PREX1: variants seen among roughly 807,000 people sequenced by gnomAD.
PREX1 encodes the protein phosphatidylinositol-3,4,5-trisphosphate dependent Rac exchange factor 1, also known as phosphatidylinositol 3,4,5-trisphosphate-dependent Rac exchanger 1 protein.
Under a neutral mutation model 198.3 loss-of-function variants are expected in PREX1, and 41 were observed. The ratio of observed to expected loss-of-function variants is 0.21; its 90% confidence interval spans 0.16 to 0.27. PREX1 has a LOEUF of 0.27. PREX1 is among the 10% of genes least tolerant of loss of function. The pLI is 1.00. For synonymous variants in PREX1, 843 were observed against 887.2 expected (o/e 0.95, Z 0.89); for missense variants, 1,620 against 2,200.7 (o/e 0.74, Z 5.28).
At chr20:48,651,352 CA>C in intron 22 of PREX1, 43 bp downstream of exon 22, 1 of 1,536,828 alleles carries the variant, frequency 6.5e-7, no homozygotes, top group Non-Finnish European at 8.8e-7. Context: ...AAACTGGCTT[CA>C]ATCCCCCAGG....
chr20:48,629,516 T>C lies in PREX1; in HGVS notation c.4699A>G (p.Ile1567Val), dbSNP rs2089297358. 3 of 1,613,952 alleles carry C rather than the reference T, an allele frequency of 1.9e-6. No individual in the cohort carries two copies. Among genetic ancestry groups the C allele is most frequent in the Admixed American group, 3.3e-5 (2 of 60,020 alleles). Reference sequence around the variant, plus strand: ...AGGCGGTAGCAGAGCTCCGAGGAGATGGGGATGAGGCCGGCGCCCACACTC... The same window carrying C: ...AGGCGGTAGCAGAGCTCCGAGGAGACGGGGATGAGGCCGGCGCCCACACTC... ...AGSVGAGLIP[I>V]SSELCYRLGA... Residue 1567 changes from isoleucine (I) to valine (V), a missense_variant, in exon 37 of 40, where the codon ATC becomes GTC. Physicochemically the swap from Ile to Val is conservative, Grantham distance 29. Around this residue, in one of 7 missense-constraint regions of PREX1, gnomAD observed 476 missense variants for 603.4 expected, o/e 0.79. Transcript: ENST00000371941.
At chr20:48,747,179 G>A (rs2090112615) in intron 2 of PREX1, among the ~76,000 whole-genome samples, 1 of 152,210 alleles carries the variant, frequency 6.6e-6, no homozygotes, top group Non-Finnish European at 1.5e-5. Flanking sequence ...AGTCCTTTGT[G>A]TGCTGTAAAT....
At chr20:48,709,235 C>T (rs906466633) in intron 5 of PREX1, among the ~76,000 whole-genome samples, 2 of 152,216 alleles carry the variant, frequency 1.3e-5, no homozygotes, top group Admixed American at 6.5e-5. Flanking sequence ...TCTTTCATCC[C>T]GAACTGTGCT....
intron 1 of PREX1, among the ~76,000 whole-genome samples, chr20:48,796,757 T>C (rs1342128380): frequency 1.4e-5 from 2 of 147,958 alleles, no homozygotes; most frequent in Non-Finnish European, 3.0e-5. Context: ...CGTAATTATA[T>C]ATACATATAT....
rs2664521 is a variant in PREX1 at position 48,636,612 on chromosome 20, T to C, written c.4018A>G (p.Lys1340Glu). 1,566,051 of 1,611,818 alleles carry C rather than the reference T, an allele frequency of 0.97. 761,051 individuals are homozygous for C. Among genetic ancestry groups the C allele is most frequent in the East Asian group, 1 (44,841 of 44,844 alleles). The change falls in exon 32 of 40, where the codon AAG becomes GAG. Residue 1340 changes from lysine to glutamate, a missense_variant. Coordinates refer to ENST00000371941, the MANE Select transcript of PREX1 (RefSeq NM_020820.4). ...ALVAAVCTFS[K>E]QLLAALGYRY... is the part of the protein sequence containing the mutation. ...TAGCCCAGGGCCGCCAGCAGCTGCT[T>C]GGAGAAGGTGCACACGGCGGCCACC...
Position 48,794,956 on chromosome 20 carries a change from C to T in PREX1, c.219+32686G>A, listed in dbSNP as rs147381218. Reference sequence around the variant, plus strand: ...TTAAGTGAAACTCTTTAGTACAGTTCCCAATGTATTGAAACCCTCACATGT... The same window carrying T: ...TTAAGTGAAACTCTTTAGTACAGTTTCCAATGTATTGAAACCCTCACATGT... On this transcript the variant is annotated intron_variant, in intron 1 of 39. Coordinates refer to ENST00000371941, the MANE Select transcript of PREX1 (RefSeq NM_020820.4). 3.9e-3 allele frequency among the ~76,000 whole-genome samples: 601 copies of T among 152,284 alleles called. 1 individual carries two copies. Among genetic ancestry groups the T allele is most frequent in the Admixed American group, 6.8e-3 (104 of 15,298 alleles).
chr20:48,724,940 G>A (rs535200805), intron 5 of PREX1, among the ~76,000 whole-genome samples: 3 of 152,356 alleles, frequency 2.0e-5, no homozygotes, highest in Admixed American at 1.3e-4. Context: ...GCAACAACAA[G>A]TGCTGAAGTT....
chr20:48,733,580 G>A (rs916762951), intron 4 of PREX1, among the ~76,000 whole-genome samples: 13 of 152,180 alleles, frequency 8.5e-5, no homozygotes, highest in African/African-American at 2.9e-4. Flanking sequence ...CCACAGCAGA[G>A]AAAAGGAGAG....
the PREX1 span, among the ~76,000 whole-genome samples, chr20:48,873,787 A>G: frequency 6.6e-6 from 1 of 152,108 alleles, no homozygotes; most frequent in African/African-American, 2.4e-5. Flanking sequence ...AAGCACAACA[A>G]CAGCGGAAAA....
At chr20:48,813,041 C>T (rs1034776454) in intron 1 of PREX1, among the ~76,000 whole-genome samples, 3 of 152,138 alleles carry the variant, frequency 2.0e-5, no homozygotes, top group Non-Finnish European at 2.9e-5. Context: ...ACGTGGTGGG[C>T]GTCCTAGGGA....
chr20:48,765,174 A>G (rs751872261), intron 1 of PREX1, among the ~76,000 whole-genome samples: 1 of 152,256 alleles, frequency 6.6e-6, no homozygotes, highest in African/African-American at 2.4e-5. Flanking sequence ...ATACTCTGTT[A>G]TTATGATTAC....
At chr20:48,818,571 C>A (rs1177011981) in intron 1 of PREX1, among the ~76,000 whole-genome samples, 1 of 152,238 alleles carries the variant, frequency 6.6e-6, no homozygotes, top group Admixed American at 6.5e-5. Context: ...CTGGCCATTC[C>A]CGGCTGCGCG....
chr20:48,780,877 A>T (rs1387974887), intron 1 of PREX1, among the ~76,000 whole-genome samples: 1 of 152,234 alleles, frequency 6.6e-6, no homozygotes, highest in Non-Finnish European at 1.5e-5. Flanking sequence ...ACCATGGAGT[A>T]TCCTGGCTTT....
intron 1 of PREX1, 33 bp from the exon 2 acceptor site, chr20:48,747,913 C>G (rs376286089): frequency 1.3e-6 from 2 of 1,582,852 alleles, no homozygotes; most frequent in East Asian, 2.2e-5. Context: ...GGTGAGTGTC[C>G]GCGTCTCCAG....
chr20:48,692,142 A>C (rs2089822568), intron 8 of PREX1, among the ~76,000 whole-genome samples: 1 of 152,066 alleles, frequency 6.6e-6, no homozygotes, highest in South Asian at 2.1e-4. Flanking sequence ...TGCCCATCTC[A>C]ACCTCTCAAA....
At chr20:48,639,058 G>A (rs933241228) in intron 30 of PREX1, among the ~76,000 whole-genome samples, 20 of 152,236 alleles carry the variant, frequency 1.3e-4, no homozygotes, top group East Asian at 1.2e-3. Context: ...TCCCTCGTCC[G>A]GATCCTTCTA....
At chr20:48,821,535 C>T (rs2090484882) in intron 1 of PREX1, among the ~76,000 whole-genome samples, 1 of 152,184 alleles carries the variant, frequency 6.6e-6, no homozygotes, top group Non-Finnish European at 1.5e-5. Context: ...ACCCACCTCC[C>T]TCCAGTATTC....
At chr20:48,784,974 C>T (rs2090305470) in intron 1 of PREX1, among the ~76,000 whole-genome samples, 2 of 151,868 alleles carry the variant, frequency 1.3e-5, no homozygotes, top group African/African-American at 4.8e-5. Flanking sequence ...AGTGCAATGG[C>T]ATGATCTCGG....
At chr20:48,829,703 T>C (rs2090531799), upstream of PREX1, among the ~76,000 whole-genome samples, 2 of 152,198 alleles carry the variant, frequency 1.3e-5, no homozygotes, top group South Asian at 4.1e-4. Flanking sequence ...CACGGTACCT[T>C]TCTGAGCCTC....
Sources: allele counts gnomAD v4.1 joint callset (sites outside exome capture counted in the v4.1 genomes callset), GRCh38; gene constraint gnomAD v4.1.1; regional missense constraint gnomAD v4.1.1; transcripts MANE v1.5; gene names NCBI Gene and HGNC (gene_info 2026-07-23, HGNC 2026-07-21).